The following WDR73 variants were observed in gnomAD, a reference collection of about 807,000 sequenced individuals.
WDR73 encodes the protein integrator complex assembly factor WDR73.
Under a neutral mutation model 38.2 loss-of-function variants are expected in WDR73, and 30 were observed. The observed-to-expected ratio is 0.79, with a 90% confidence interval of 0.59 to 1.06. WDR73 has a LOEUF of 1.06. Ranked by LOEUF, WDR73 falls within the 50% of genes least tolerant of loss-of-function variation. The probability of loss-of-function intolerance (pLI) is 0.00; values close to 1 mark genes in which losing one functional copy is unlikely to be tolerated. For missense variants in WDR73, 487 were observed against 467.0 expected (o/e 1.04, Z -0.40); for synonymous variants, 197 against 176.0 (o/e 1.12, Z -0.94).
rs1042293570 is a variant in WDR73 at position 84,648,437 on chromosome 15, AG to A, written c.287+99del. On this transcript the variant is annotated intron_variant, in intron 4 of 7. Transcript: ENST00000434634. ...TGCACTCACATGTGCCTGTGTGCTG[AG>A]GGGGTGGGAATGGAGATGAGGAGGC... 13 of 797,560 alleles carry A rather than the reference AG, an allele frequency of 1.6e-5. No homozygotes were observed. In the African/African-American group the frequency reaches 1.9e-4, roughly 11 times the overall value. The allele number at this position is 797,560 out of a possible 1,614,324, so 49.4% of individuals were successfully genotyped here.
chr15:84,645,846 C>T lies in WDR73; in HGVS notation c.518-10G>A, dbSNP rs769933431. On this transcript the variant is annotated splice_polypyrimidine_tract_variant and intron_variant, in intron 6 of 7. Coordinates refer to ENST00000434634, the MANE Select transcript of WDR73 (RefSeq NM_032856.5). ...TCACTGTCACTGACATCTGGAAGAC[C>T]GACAGCAAAGGAGACAAGCGGCTGG... 31 of 1,613,442 alleles carry T rather than the reference C, an allele frequency of 1.9e-5. No individual in the cohort carries two copies. The highest frequency in any genetic ancestry group is 1.5e-4 in the Admixed American group (9 of 59,976).
Position 84,653,576 on chromosome 15 carries a change from G to A in WDR73, c.109+56C>T, listed in dbSNP as rs1896690879. 3.5e-6 allele frequency: 5 copies of A among 1,447,504 alleles called. No homozygotes were observed. The South Asian group carries it at 6.1e-5, about 18-fold the overall frequency. 89.7% of individuals were successfully genotyped at this position (1,447,504 alleles called of 1,614,324 possible). A position where few individuals can be genotyped will look rare whatever the true frequency, so the allele number is the denominator to read the frequency against. On this transcript the variant is annotated intron_variant, in intron 2 of 7. Coordinates refer to ENST00000434634, the MANE Select transcript of WDR73 (RefSeq NM_032856.5). ...TTGGGTCCCTCTAGGCTTAGCTCCT[G>A]AAACCCAGCTCAGGAGTGAGATTCC...
chr15:84,649,491 A>G (rs1896560179), intron 3 of WDR73, among the ~76,000 whole-genome samples: 1 of 148,686 alleles, frequency 6.7e-6, no homozygotes, highest in Non-Finnish European at 1.5e-5. Flanking sequence ...TTTTTTTGAG[A>G]CAGAGTCTCA....
chr15:84,648,697 A>AT, intron 3 of WDR73, 72 bp from the exon 4 acceptor site: 1 of 1,236,436 alleles, frequency 8.1e-7, no homozygotes, highest in Non-Finnish European at 1.2e-6. Flanking sequence ...CTAAGTGAGG[A>AT]GTCAGGTCCT....
At chr15:84,650,806 C>G (rs1490402048) in intron 3 of WDR73, among the ~76,000 whole-genome samples, 1 of 149,236 alleles carries the variant, frequency 6.7e-6, no homozygotes, top group Non-Finnish European at 1.5e-5. Flanking sequence ...CGGATTGTTT[C>G]CTATTTCATT....
At chr15:84,653,212 C>T (rs1375935120) in intron 2 of WDR73, 5 of 193,466 alleles carry the variant, frequency 2.6e-5, no homozygotes, top group South Asian at 9.9e-5. Flanking sequence ...TTGTTAGCCA[C>T]GCTGGAATAC....
At position 84,648,084 on chromosome 15, in the gene WDR73, G is replaced by A. The variant is rs1896519122; in HGVS notation, c.288-130C>T. 3 of 784,672 alleles carry A rather than the reference G, an allele frequency of 3.8e-6. No homozygotes were observed. The South Asian group carries it at 4.4e-5, about 12-fold the overall frequency. 48.6% of individuals were successfully genotyped at this position (784,672 alleles called of 1,614,324 possible). A position where few individuals can be genotyped will look rare whatever the true frequency, so the allele number is the denominator to read the frequency against. ...GACATCTTACTGCAAGATCATCAAG[G>A]CCAACCACCCTCATTTCACAGATAA... On this transcript the variant is annotated intron_variant, in intron 4 of 7. Transcript: ENST00000434634.
intron 2 of WDR73, 180 bp from the exon 3 acceptor site, chr15:84,652,982 G>A (rs1053791828): frequency 1.4e-5 from 7 of 487,960 alleles, no homozygotes; most frequent in African/African-American, 8.0e-5. Context: ...GCAGTGGTCC[G>A]ATCACAGCTC....
intron 2 of WDR73, 89 bp downstream of exon 2, chr15:84,653,543 A>G: frequency 2.2e-6 from 2 of 922,812 alleles, no homozygotes; most frequent in Non-Finnish European, 1.7e-6. Flanking sequence ...GGTGCCCAGA[A>G]GAGTGGGTTG....
Position 84,645,759 on chromosome 15 carries a change from G to A in WDR73, c.595C>T (p.Arg199Trp), listed in dbSNP as rs373323041. ...TGCCGGGTGTCAACAAGCCCCAGCC[G>A]GCCTGAAGCACAGCAGAAGGCAAAG... ...DTFAFCCASG[R>W]LGLVDTRQKW... is the part of the protein sequence containing the mutation. Residue 199 changes from arginine to tryptophan, a missense_variant, in exon 7 of 8, where the codon CGG becomes TGG. Coordinates refer to ENST00000434634, the MANE Select transcript of WDR73 (RefSeq NM_032856.5). 87 of 1,612,414 alleles carry A rather than the reference G, an allele frequency of 5.4e-5. No individual in the cohort carries two copies. The South Asian group carries it at 5.4e-4, about 10-fold the overall frequency.
chr15:84,648,361 C>G (rs1896527473), intron 4 of WDR73, 176 bp downstream of exon 4: 1 of 604,050 alleles, frequency 1.7e-6, no homozygotes, highest in South Asian at 2.0e-5. Context: ...GAAGCCACAG[C>G]AGTGGTTTCT....
chr15:84,646,044 G>C, intron 6 of WDR73, 140 bp downstream of exon 6: 1 of 1,546,334 alleles, frequency 6.5e-7, no homozygotes, highest in Non-Finnish European at 8.7e-7. Context: ...GGAGCCCTTA[G>C]AGGCCAGGGC....
intron 3 of WDR73, among the ~76,000 whole-genome samples, chr15:84,649,616 T>C (rs1036716737): frequency 6.6e-6 from 1 of 151,974 alleles, no homozygotes; most frequent in African/African-American, 2.4e-5. Flanking sequence ...ACTACAGGTG[T>C]GCACCACCAC....
At position 84,643,572 on chromosome 15, in the gene WDR73, G is replaced by A. The variant is rs1490151079; in HGVS notation, c.1035C>T (p.Thr345=). The change falls in exon 8 of 8, where the codon ACC becomes ACT. Residue 345 remains threonine, a synonymous_variant. Coordinates refer to ENST00000434634, the MANE Select transcript of WDR73 (RefSeq NM_032856.5). ...GNGMDPAPLV[T]THTWHPCRPR... ...GTCTGCAGGGATGCCAGGTGTGGGT[G>A]GTGACCAAAGGAGCAGGGTCCATCC... is the stretch of plus-strand genomic sequence containing the variant. 5 of 1,611,932 alleles carry A rather than the reference G, an allele frequency of 3.1e-6. No homozygotes were observed. The highest frequency in any genetic ancestry group is 1.3e-5 in the African/African-American group (1 of 75,042).
At chr15:84,651,499 C>T (rs1896622828) in intron 3 of WDR73, among the ~76,000 whole-genome samples, 1 of 152,198 alleles carries the variant, frequency 6.6e-6, no homozygotes, top group Non-Finnish European at 1.5e-5. Flanking sequence ...CATCTGCCTG[C>T]ATGCCTCACT....
chr15:84,646,364 G>C lies in WDR73; in HGVS notation c.353-16C>G, dbSNP rs146472604. ...TTAATGACATCTAGGGGAAAACGAA[G>C]AGGCCAAAATCCAGAACTTTAATGA... On this transcript the variant is annotated splice_polypyrimidine_tract_variant and intron_variant, in intron 5 of 7. Transcript: ENST00000434634. 1.2e-3 allele frequency: 1,898 copies of C among 1,599,232 alleles called. 7 individuals are homozygous for C. Among genetic ancestry groups the C allele is most frequent in the Middle Eastern group, 6.0e-3 (36 of 6,006 alleles).
At chr15:84,650,649 C>T (rs1266238211) in intron 3 of WDR73, among the ~76,000 whole-genome samples, 3 of 152,004 alleles carry the variant, frequency 2.0e-5, no homozygotes, top group Non-Finnish European at 2.9e-5. Flanking sequence ...GTGAGCCACG[C>T]GCCTGGCCAA....
intron 3 of WDR73, among the ~76,000 whole-genome samples, chr15:84,651,109 C>T (rs1265749397): frequency 8.3e-6 from 1 of 120,892 alleles, no homozygotes; most frequent in Admixed American, 8.4e-5. Flanking sequence ...AGTGAGACCT[C>T]AAAAAAAAAA....
At chr15:84,648,997 G>A (rs958792616) in intron 3 of WDR73, among the ~76,000 whole-genome samples, 3 of 152,148 alleles carry the variant, frequency 2.0e-5, no homozygotes, top group South Asian at 2.1e-4. Flanking sequence ...TTCCTCTAAC[G>A]ATAAAAATTA....
Sources: gnomAD v4.1 joint callset for allele counts (sites outside exome capture counted in the v4.1 genomes callset) on GRCh38, gnomAD v4.1.1 for gene constraint, MANE v1.5 for transcripts, NCBI Gene and HGNC (gene_info 2026-07-23, HGNC 2026-07-21) for gene names.